The following RPF2 variants were observed in gnomAD, a reference collection of about 807,000 sequenced individuals.
The protein encoded by RPF2 is brix domain containing 1.
In RPF2, 21 loss-of-function variants were observed where a neutral mutation model predicts 38.9. That is an observed-to-expected ratio of 0.54 (90% CI 0.38 to 0.78). The LOEUF is 0.78. Ranked by LOEUF, RPF2 falls within the 30% of genes least tolerant of loss-of-function variation. RPF2 has a pLI of 0.00. For missense variants in RPF2, 314 were observed against 358.1 expected, an observed-to-expected ratio of 0.88 and a Z score of 0.99; for synonymous variants, 121 against 126.2, an observed-to-expected ratio of 0.96 and a Z score of 0.28.
At chr6:111,023,413 A>G (rs1583277355) in intron 8 of RPF2, among the ~76,000 whole-genome samples, 1 of 152,220 alleles carries the variant, frequency 6.6e-6, no homozygotes, top group African/African-American at 2.4e-5. Context: ...AGTCTTAGAT[A>G]AGAACTTGTT....
chr6:110,984,907 T>G, intron 1 of RPF2, 99 bp from the exon 2 acceptor site: 2 of 1,277,348 alleles, frequency 1.6e-6, no homozygotes, highest in Non-Finnish European at 2.2e-6. Context: ...GAACCCTAAG[T>G]GACAAATATG....
At chr6:110,999,576 G>A in intron 5 of RPF2, 135 bp from the exon 6 acceptor site, 1 of 535,416 alleles carries the variant, frequency 1.9e-6, no homozygotes, top group South Asian at 2.9e-5. Context: ...ATGTAAGAAA[G>A]TGGGATATGT....
At position 110,999,779 on chromosome 6, in the gene RPF2, G is replaced by C. The variant is rs767618434; in HGVS notation, c.385G>C (p.Asp129His). The C allele has an allele frequency of 3.3e-5, 51 of 1,551,386 alleles. No individual in the cohort carries two copies. The highest frequency in any genetic ancestry group is 7.1e-6 in the Non-Finnish European group (8 of 1,123,368). The change falls in exon 6 of 10, where the codon GAC (aspartate) becomes CAC (histidine). Residue 129 changes from aspartate (D) to histidine (H), a missense_variant. By Grantham distance (81) the Asp-to-His change is moderately conservative (BLOSUM62 -1). Coordinates refer to ENST00000441448, the MANE Select transcript of RPF2 (RefSeq NM_032194.3). ...LGIENFVSLK[D>H]IKNSKCPEGT... is the part of the protein sequence containing the mutation. ...TATTGAGAATTTTGTCTCTCTAAAA[G>C]ACATTAAGGTAAGATACTCATAGAA... is the stretch of plus-strand genomic sequence containing the variant.
At position 111,001,379 on chromosome 6, in the gene RPF2, G is replaced by GC. The variant is rs1047058621; in HGVS notation, c.393+1592_393+1593insC. On this transcript the variant is annotated intron_variant, in intron 6 of 9. Coordinates refer to ENST00000441448, the MANE Select transcript of RPF2 (RefSeq NM_032194.3). ...AAGCCCTCATATTATTTTTCTTTCT[G>GC]TTTTTTTTTTTCTTTCGAGACAGGG... 1.3e-3 allele frequency among the ~76,000 whole-genome samples: 189 copies of GC among 148,100 alleles called. 1 individual carries two copies. Among genetic ancestry groups the GC allele is most frequent in the Admixed American group, 3.3e-3 (49 of 14,810 alleles).
chr6:111,008,776 T>C (rs1771960833), intron 7 of RPF2, among the ~76,000 whole-genome samples: 1 of 152,158 alleles, frequency 6.6e-6, no homozygotes, highest in Admixed American at 6.6e-5. Context: ...ATTGCCAATA[T>C]ATTATTCACA....
intron 8 of RPF2, among the ~76,000 whole-genome samples, chr6:111,022,269 AAATTAC>A (rs2114356030): frequency 6.6e-6 from 1 of 152,346 alleles, no homozygotes; most frequent in Non-Finnish European, 1.5e-5. Flanking sequence ...AAAAATGAGG[AAATTAC>A]AATTTGAACA....
At chr6:110,993,531 T>C (rs1271874058) in intron 4 of RPF2, among the ~76,000 whole-genome samples, 1 of 152,234 alleles carries the variant, frequency 6.6e-6, no homozygotes, top group Non-Finnish European at 1.5e-5. Context: ...CTCAGAATTC[T>C]CTTTCATATA....
chr6:111,000,252 A>G (rs539182110), intron 6 of RPF2, among the ~76,000 whole-genome samples: 9 of 152,242 alleles, frequency 5.9e-5, no homozygotes, highest in East Asian at 5.8e-4. Flanking sequence ...CTACAGGCAC[A>G]TGCCAGCACG....
intron 4 of RPF2, among the ~76,000 whole-genome samples, chr6:110,995,814 C>T (rs1250112580): frequency 1.3e-5 from 2 of 151,976 alleles, no homozygotes; most frequent in African/African-American, 2.4e-5. Flanking sequence ...TAAGATCTCT[C>T]TCTTTCTTTT....
rs1771779025 is a variant in RPF2 at position 110,999,647 on chromosome 6, T to C, written c.317-64T>C. On this transcript the variant is annotated intron_variant, in intron 5 of 9. Coordinates refer to ENST00000441448, the MANE Select transcript of RPF2 (RefSeq NM_032194.3). ...TAGGACATTTTGAATACACAGCTCT[T>C]GTGGGTATATGTAAGGTGGCTCTTT... The C allele has an allele frequency of 7.1e-6, 7 of 985,944 alleles. No individual in the cohort carries two copies. The South Asian group carries it at 9.1e-5, about 13-fold the overall frequency. 61.1% of individuals were successfully genotyped at this position (985,944 alleles called of 1,614,324 possible).
At position 111,026,319 on chromosome 6, in the gene RPF2, T is replaced by C. The variant is rs3851221; in HGVS notation, c.*737T>C. On this transcript the variant is annotated 3_prime_UTR_variant, in exon 10 of 10. Transcript: ENST00000441448. ...AACTCCTGGGCTCAAGTAATCCTCC[T>C]GCCTGAGCCTCTTACGTAGCTGGGA... 113,971 of 152,272 alleles carry C rather than the reference T, an allele frequency of 0.75. 43,037 individuals carry two copies. The highest frequency in any genetic ancestry group is 1 in the East Asian group (5,159 of 5,174). The allele number at this position is 152,272 out of a possible 1,614,324, so 9.4% of individuals were successfully genotyped here.
At position 111,008,018 on chromosome 6, in the gene RPF2, C is replaced by CTTTT. The variant is rs35637912; in HGVS notation, c.394-6_394-3dup. The CTTTT allele has an allele frequency of 7.0e-6, 10 of 1,424,754 alleles. No individual in the cohort carries two copies. Among genetic ancestry groups the CTTTT allele is most frequent in the Middle Eastern group, 2.7e-4 (1 of 3,718 alleles). The allele number at this position is 1,424,754 out of a possible 1,614,324, so 88.3% of individuals were successfully genotyped here. On this transcript the variant is annotated intron_variant, in intron 6 of 9. Transcript: ENST00000441448. ...TTAGACTTTGGTAATTATATAATTGCTTTTTTTTTTTTTTTTTAGAACAGT... is the reference window on the plus strand; with the variant it reads ...TTAGACTTTGGTAATTATATAATTGCTTTTTTTTTTTTTTTTTTTTTAGAACAGT...
At chr6:110,993,697 G>T (rs1230295405) in intron 4 of RPF2, among the ~76,000 whole-genome samples, 1 of 152,126 alleles carries the variant, frequency 6.6e-6, no homozygotes, top group Non-Finnish European at 1.5e-5. Context: ...TACACTTGAG[G>T]TTGTGACATT....
chr6:111,016,636 A>G (rs1290332785), intron 8 of RPF2, among the ~76,000 whole-genome samples: 1 of 149,694 alleles, frequency 6.7e-6, no homozygotes, highest in Non-Finnish European at 1.5e-5. Context: ...TTCTATGTTT[A>G]TTAAAGAGTT....
chr6:111,016,828 C>T (rs368523070), intron 8 of RPF2, among the ~76,000 whole-genome samples: 7 of 151,414 alleles, frequency 4.6e-5, no homozygotes, highest in Admixed American at 1.3e-4. Context: ...GAGGACCCTG[C>T]GGCCTTCCGC....
rs1459625481 is a variant in RPF2, at chr6:111,026,194, A to T, written c.*612A>T. 6.6e-6 allele frequency: 1 copy of T among 152,250 alleles called. No individual in the cohort carries two copies. The highest frequency in any genetic ancestry group is 1.5e-5 in the Non-Finnish European group (1 of 68,128). The allele number at this position is 152,250 out of a possible 1,614,324, so 9.4% of individuals were successfully genotyped here. A position where few individuals can be genotyped will look rare whatever the true frequency, so the allele number is the denominator to read the frequency against. The stretch of plus-strand genomic sequence containing the variant: ...GAGCCCACCCCGCTTCTCTGAGACG[A>T]AACCTGTGTTTTTTGGTTGGTTTGT... On this transcript the variant is annotated 3_prime_UTR_variant, in exon 10 of 10. Coordinates refer to ENST00000441448, the MANE Select transcript of RPF2 (RefSeq NM_032194.3).
chr6:110,990,498 C>A (rs1168269392), intron 3 of RPF2, among the ~76,000 whole-genome samples: 2 of 147,670 alleles, frequency 1.4e-5, no homozygotes, highest in Non-Finnish European at 3.0e-5. Context: ...ATATATTCTT[C>A]TGGATTATAA....
intron 4 of RPF2, among the ~76,000 whole-genome samples, chr6:110,994,615 A>G (rs1448269672): frequency 6.6e-6 from 1 of 151,888 alleles, no homozygotes; most frequent in Non-Finnish European, 1.5e-5. Flanking sequence ...GCTAAAAACA[A>G]AACAAAAGAA....
intron 6 of RPF2, among the ~76,000 whole-genome samples, chr6:111,003,323 C>T (rs1176349939): frequency 2.6e-5 from 4 of 151,960 alleles, no homozygotes; most frequent in African/African-American, 7.3e-5. Flanking sequence ...CAGAGTCTTG[C>T]TCCGTCACCC....
Sources: allele counts gnomAD v4.1 joint callset (sites outside exome capture counted in the v4.1 genomes callset), GRCh38; gene constraint gnomAD v4.1.1; transcripts MANE v1.5; gene names NCBI Gene and HGNC (gene_info 2026-07-23, HGNC 2026-07-21).